The following TNNI3 variants were observed in gnomAD, a reference collection of about 807,000 sequenced individuals.
TNNI3 encodes the protein troponin I, cardiac muscle.
TNNI3 carries 23 observed loss-of-function variants against 31.5 expected under a neutral mutation model. That is an observed-to-expected ratio of 0.73 (90% CI 0.52 to 1.03). The LOEUF (loss-of-function observed/expected upper bound fraction) is 1.03. Ranked by LOEUF, TNNI3 falls within the 50% of genes least tolerant of loss-of-function variation. The probability of loss-of-function intolerance (pLI) is 0.00; values close to 1 mark genes in which losing one functional copy is unlikely to be tolerated. For synonymous variants in TNNI3, 120 were observed against 111.7 expected (o/e 1.07, Z -0.47); for missense variants, 236 against 282.9 (o/e 0.83, Z 1.19).
chr19:55,156,572 C>T lies in TNNI3; in HGVS notation c.150+31G>A, dbSNP rs570953424. On this transcript the variant is annotated intron_variant, in intron 4 of 7. Coordinates refer to ENST00000344887, the MANE Select transcript of TNNI3 (RefSeq NM_000363.5). The surrounding 1 kb of genome is among the most constrained non-coding windows in gnomAD (Gnocchi z 4.6). ...TCAAGCTCCGCCCCCTGAGCACCTG[C>T]CTGCTCTTTCCCAGTCCCGCCCGTC... The T allele has an allele frequency of 3.2e-6, 5 of 1,556,022 alleles. No individual in the cohort carries two copies. Among genetic ancestry groups the T allele is most frequent in the South Asian group, 2.4e-5 (2 of 84,590 alleles).
rs1223730266 is a variant in TNNI3 at position 55,156,825 on chromosome 19, C to T, written c.109-181G>A. On this transcript the variant is annotated intron_variant, in intron 3 of 7. Coordinates refer to ENST00000344887, the MANE Select transcript of TNNI3 (RefSeq NM_000363.5). This position sits in a 1 kb window ranked among gnomAD's most constrained non-coding sequence, Gnocchi z 4.6. ...TCCCATCCACCAATCTGGGTCTCTT[C>T]CTTTGGATAGGCACTTCCCATCTAT... 4.7e-6 allele frequency: 4 copies of T among 858,828 alleles called. No individual in the cohort carries two copies. Among genetic ancestry groups the T allele is most frequent in the South Asian group, 1.5e-5 (1 of 66,422 alleles). The allele number at this position is 858,828 out of a possible 1,614,324, so 53.2% of individuals were successfully genotyped here. A position where few individuals can be genotyped will look rare whatever the true frequency, so the allele number is the denominator to read the frequency against.
rs1568858500 is a variant in TNNI3, at chr19:55,154,768, C to T, written c.345G>A (p.Glu115=). ...CCGTGATGTTCTTGGTGACTTTTGC[C>T]TCTATGTCGTATCTCTCTTCATCCA... is the stretch of plus-strand genomic sequence containing the variant. ...DKVDEERYDI[E]AKVTKNITEI... Residue 115 remains glutamate, a synonymous_variant, in exon 6 of 8, where the codon GAG becomes GAA. Transcript: ENST00000344887. 4 of 1,614,226 alleles carry T rather than the reference C, an allele frequency of 2.5e-6. No individual in the cohort carries two copies. The highest frequency in any genetic ancestry group is 3.3e-4 in the Middle Eastern group (2 of 6,060).
Position 55,156,735 on chromosome 19 carries a change from G to T in TNNI3, c.109-91C>A. ...CCTCAAGACACCCCCAGCAAACCCA[G>T]CCGGTCCAGATTTGGGCCCACGTCC... On this transcript the variant is annotated intron_variant, in intron 3 of 7. Transcript: ENST00000344887. The surrounding 1 kb of genome is among the most constrained non-coding windows in gnomAD (Gnocchi z 4.6). The T allele has an allele frequency of 1.4e-6, 2 of 1,441,866 alleles. No individual in the cohort carries two copies. The highest frequency in any genetic ancestry group is 5.0e-5 in the East Asian group (2 of 40,284). The allele number at this position is 1,441,866 out of a possible 1,614,324, so 89.3% of individuals were successfully genotyped here.
rs530264697 is a variant in TNNI3 at position 55,156,485 on chromosome 19, A to C, written c.150+118T>G. 6.6e-7 allele frequency: 1 copy of C among 1,507,950 alleles called. No homozygotes were observed. Among genetic ancestry groups the C allele is most frequent in the Admixed American group, 2.0e-5 (1 of 50,760 alleles). 93.4% of individuals were successfully genotyped at this position (1,507,950 alleles called of 1,614,324 possible). On this transcript the variant is annotated intron_variant, in intron 4 of 7. Coordinates refer to ENST00000344887, the MANE Select transcript of TNNI3 (RefSeq NM_000363.5). The surrounding 1 kb of genome is among the most constrained non-coding windows in gnomAD (Gnocchi z 4.6). ...CCGAGCAGTACTCCCCGCTAAAGCC[A>C]CGCCCCGAGCGGCCAAACCCCGCCC...
chr19:55,153,411 A>G (rs1461749929), intron 7 of TNNI3, among the ~76,000 whole-genome samples: 1 of 150,476 alleles, frequency 6.6e-6, no homozygotes, highest in Non-Finnish European at 1.5e-5. Context: ...GTCTCACTGT[A>G]TTGCCCAGGC....
Position 55,157,113 on chromosome 19 carries a change from T to C in TNNI3, c.45A>G (p.Ala15=). The change falls in exon 3 of 8, where the codon GCA becomes GCG. Residue 15 remains alanine, a synonymous_variant. Transcript: ENST00000344887. This position sits in a 1 kb window ranked among gnomAD's most constrained non-coding sequence, Gnocchi z 6.3. ...SSDAAREPRP[A]PAPIRRRSSN... ...AGGAGCGGCGTCTGATTGGGGCTGGTGCAGGGCGAGGTTCCCTAGCCTGGG... is the reference window on the plus strand; with the variant it reads ...AGGAGCGGCGTCTGATTGGGGCTGGCGCAGGGCGAGGTTCCCTAGCCTGGG... 6.2e-7 allele frequency: 1 copy of C among 1,602,302 alleles called. No individual in the cohort carries two copies. Among genetic ancestry groups the C allele is most frequent in the Non-Finnish European group, 8.5e-7 (1 of 1,176,262 alleles).
In TNNI3 at chr19:55,157,605, G is replaced by T; in HGVS notation, c.-16C>A. 1 of 1,613,942 alleles carries T rather than the reference G, an allele frequency of 6.2e-7. No individual in the cohort carries two copies. The highest frequency in any genetic ancestry group is 8.5e-7 in the Non-Finnish European group (1 of 1,179,928). Reference sequence around the variant, plus strand: ...CATCCGCCATGCTGAGACTCAGGCCGGGAATGGCAGGAGGCAGGGCGAGGA... The same window carrying T: ...CATCCGCCATGCTGAGACTCAGGCCTGGAATGGCAGGAGGCAGGGCGAGGA... On this transcript the variant is annotated 5_prime_UTR_variant, in exon 1 of 8. Coordinates refer to ENST00000344887, the MANE Select transcript of TNNI3 (RefSeq NM_000363.5). The surrounding 1 kb of genome is among the most constrained non-coding windows in gnomAD (Gnocchi z 6.3).
chr19:55,157,272 C>G lies in TNNI3; in HGVS notation c.24+24G>C. On this transcript the variant is annotated intron_variant, in intron 2 of 7. Coordinates refer to ENST00000344887, the MANE Select transcript of TNNI3 (RefSeq NM_000363.5). The surrounding 1 kb of genome is among the most constrained non-coding windows in gnomAD (Gnocchi z 6.3). ...CCACCCTGGCCCTGGGGGTCCCAGCCACGCCTTAGCCCGCTGCTCTCACCG... is the reference window on the plus strand; with the variant it reads ...CCACCCTGGCCCTGGGGGTCCCAGCGACGCCTTAGCCCGCTGCTCTCACCG... The G allele has an allele frequency of 1.2e-6, 2 of 1,612,116 alleles. No homozygotes were observed. The highest frequency in any genetic ancestry group is 1.7e-6 in the Non-Finnish European group (2 of 1,179,530).
intron 7 of TNNI3, among the ~76,000 whole-genome samples, chr19:55,153,086 C>T (rs1016634780): frequency 6.6e-6 from 1 of 152,152 alleles, no homozygotes; most frequent in Non-Finnish European, 1.5e-5. Flanking sequence ...GCACGAGCCA[C>T]CACACCCGGT....
Position 55,152,043 on chromosome 19 carries a change from C to A in TNNI3, c.550-126G>T. 1.2e-6 allele frequency: 1 copy of A among 822,736 alleles called. No individual in the cohort carries two copies. The allele number at this position is 822,736 out of a possible 1,614,324, so 51.0% of individuals were successfully genotyped here. On this transcript the variant is annotated intron_variant, in intron 7 of 7. Coordinates refer to ENST00000344887, the MANE Select transcript of TNNI3 (RefSeq NM_000363.5). This position sits in a 1 kb window ranked among gnomAD's most constrained non-coding sequence, Gnocchi z 4.0. ...GATGCCTAAGTATCTAGTTCTGGAG[C>A]ACTTCCTGTCTTTTCAAGATAATCC...
rs375481824 is a variant in TNNI3, at chr19:55,156,681, G to A, written c.109-37C>T. ...AGATGGAGCAAGGAAGGATCATGGA[G>A]GGGGATTCGGAGACGACGGTGGAGG... is the stretch of plus-strand genomic sequence containing the variant. On this transcript the variant is annotated intron_variant, in intron 3 of 7. Transcript: ENST00000344887. The surrounding 1 kb of genome is among the most constrained non-coding windows in gnomAD (Gnocchi z 4.6). 9.3e-5 allele frequency: 145 copies of A among 1,555,960 alleles called. 1 individual carries two copies. The East Asian group carries it at 2.3e-3, about 25-fold the overall frequency.
In TNNI3 at chr19:55,157,611, G is replaced by C. The variant is rs757944627; in HGVS notation, c.-22C>G. 4.3e-6 allele frequency: 7 copies of C among 1,613,990 alleles called. No individual in the cohort carries two copies. The highest frequency in any genetic ancestry group is 1.7e-4 in the Middle Eastern group (1 of 6,052). On this transcript the variant is annotated 5_prime_UTR_variant, in exon 1 of 8. Coordinates refer to ENST00000344887, the MANE Select transcript of TNNI3 (RefSeq NM_000363.5). This position sits in a 1 kb window ranked among gnomAD's most constrained non-coding sequence, Gnocchi z 6.3. ...CCATGCTGAGACTCAGGCCGGGAAT[G>C]GCAGGAGGCAGGGCGAGGACAGGGG...
Position 55,156,974 on chromosome 19 carries a change from C to T in TNNI3, c.108+76G>A. 1.3e-6 allele frequency: 2 copies of T among 1,492,266 alleles called. No individual in the cohort carries two copies. The highest frequency in any genetic ancestry group is 2.4e-5 in the South Asian group (2 of 83,084). 92.4% of individuals were successfully genotyped at this position (1,492,266 alleles called of 1,614,324 possible). ...CGTAGTCCCCGCCCCCTTCGCAGCC[C>T]TGGCTCCTCCCCCCACTCCCAGGGT... On this transcript the variant is annotated intron_variant, in intron 3 of 7. Coordinates refer to ENST00000344887, the MANE Select transcript of TNNI3 (RefSeq NM_000363.5). This position sits in a 1 kb window ranked among gnomAD's most constrained non-coding sequence, Gnocchi z 4.6.
chr19:55,152,092 CCTGT>C lies in TNNI3; in HGVS notation c.550-179_550-176del, dbSNP rs1466812164. 6.6e-6 allele frequency among the ~76,000 whole-genome samples: 1 copy of C among 152,114 alleles called. No individual in the cohort carries two copies. Among genetic ancestry groups the C allele is most frequent in the East Asian group, 1.9e-4 (1 of 5,202 alleles). ...CCCTGCCAATTTTCCCCATGCACTTCCTGTCTCCCTCATGCACTTCCTGTCCCCC... is the reference window on the plus strand; with the variant it reads ...CCCTGCCAATTTTCCCCATGCACTTCCTCCCTCATGCACTTCCTGTCCCCC... On this transcript the variant is annotated intron_variant, in intron 7 of 7. Coordinates refer to ENST00000344887, the MANE Select transcript of TNNI3 (RefSeq NM_000363.5). The surrounding 1 kb of genome is among the most constrained non-coding windows in gnomAD (Gnocchi z 4.0).
rs183956525 is a variant in TNNI3 at position 55,154,249 on chromosome 19, C to T, written c.373-43G>A. 928 of 1,591,568 alleles carry T rather than the reference C, an allele frequency of 5.8e-4. 2 individuals are homozygous for T. In the African/African-American group the frequency reaches 9.7e-3, roughly 17 times the overall value. On this transcript the variant is annotated intron_variant, in intron 6 of 7. Transcript: ENST00000344887. ...GGTGGGTACTTCTCCTTCCATTTCC[C>T]GCACACCCAACTCCTCCATCCTACA...
In TNNI3 at chr19:55,157,517, C is replaced by T; in HGVS notation, c.11+62G>A. On this transcript the variant is annotated intron_variant, in intron 1 of 7. Coordinates refer to ENST00000344887, the MANE Select transcript of TNNI3 (RefSeq NM_000363.5). The surrounding 1 kb of genome is among the most constrained non-coding windows in gnomAD (Gnocchi z 6.3). ...GGCCAAGGGTCCAGCCTCTCAGCTG[C>T]GACCCCTCTTGGGAACCCGGGAGGT... 1.2e-6 allele frequency: 2 copies of T among 1,604,874 alleles called. No individual in the cohort carries two copies. The highest frequency in any genetic ancestry group is 3.3e-5 in the Admixed American group (2 of 59,734).
rs1271853994 is a variant in TNNI3, at chr19:55,152,554, A to G, written c.550-637T>C. Among the ~76,000 whole-genome samples the G allele has an allele frequency of 6.6e-6, 1 of 152,242 alleles. No individual in the cohort carries two copies. The highest frequency in any genetic ancestry group is 1.5e-5 in the Non-Finnish European group (1 of 68,046). On this transcript the variant is annotated intron_variant, in intron 7 of 7. Coordinates refer to ENST00000344887, the MANE Select transcript of TNNI3 (RefSeq NM_000363.5). This position sits in a 1 kb window ranked among gnomAD's most constrained non-coding sequence, Gnocchi z 4.0. ...TCACAAGGAAAAGAAGGGTGATTAC[A>G]GTGCTATAAGATATTTTGAGAAAGA...
Position 55,156,119 on chromosome 19 carries a change from C to T in TNNI3, c.282+82G>A. On this transcript the variant is annotated intron_variant, in intron 5 of 7. Coordinates refer to ENST00000344887, the MANE Select transcript of TNNI3 (RefSeq NM_000363.5). This position sits in a 1 kb window ranked among gnomAD's most constrained non-coding sequence, Gnocchi z 4.6. ...GGGTAAGGACAGCCATATTGGACGC[C>T]TGGGTCCCGAGCAGAAGAGGGGATA... 2 of 1,608,336 alleles carry T rather than the reference C, an allele frequency of 1.2e-6. No individual in the cohort carries two copies. Among genetic ancestry groups the T allele is most frequent in the Admixed American group, 3.3e-5 (2 of 59,834 alleles).
In TNNI3 at chr19:55,156,547, T is replaced by A; in HGVS notation, c.150+56A>T. ...CCTACCCCGAAAGCCCCACCCATTCTCAAGCTCCGCCCCCTGAGCACCTGC... is the reference window on the plus strand; with the variant it reads ...CCTACCCCGAAAGCCCCACCCATTCACAAGCTCCGCCCCCTGAGCACCTGC... On this transcript the variant is annotated intron_variant, in intron 4 of 7. Coordinates refer to ENST00000344887, the MANE Select transcript of TNNI3 (RefSeq NM_000363.5). The surrounding 1 kb of genome is among the most constrained non-coding windows in gnomAD (Gnocchi z 4.6). 6.5e-7 allele frequency: 1 copy of A among 1,538,584 alleles called. No homozygotes were observed. Among genetic ancestry groups the A allele is most frequent in the Non-Finnish European group, 8.8e-7 (1 of 1,139,358 alleles).
Sources: gnomAD v4.1 joint callset for allele counts (sites outside exome capture counted in the v4.1 genomes callset) on GRCh38, gnomAD v4.1.1 for gene constraint, Gnocchi (gnomAD v3.1) non-coding constraint, MANE v1.5 for transcripts, NCBI Gene and HGNC (gene_info 2026-07-23, HGNC 2026-07-21) for gene names.